The following MPDZ variants were observed in gnomAD, a reference collection of about 807,000 sequenced individuals.
MPDZ encodes multiple PDZ domain protein.
In MPDZ, 234 loss-of-function variants were observed where a neutral mutation model predicts 239.1. The observed-to-expected ratio is 0.98, with a 90% CI of 0.88 to 1.09. The LOEUF is 1.09. Ranked by LOEUF, MPDZ falls within the 50% of genes least tolerant of loss-of-function variation. The probability of loss-of-function intolerance (pLI) is 0.00; values close to 1 mark genes in which losing one functional copy is unlikely to be tolerated. For synonymous variants in MPDZ, 1,048 were observed against 881.3 expected, an observed-to-expected ratio of 1.19 and a Z score of -3.35; for missense variants, 3,175 against 2,510.0, an observed-to-expected ratio of 1.26 and a Z score of -5.66.
At chr9:13,209,580 A>C (rs1350967391) in intron 10 of MPDZ, among the ~76,000 whole-genome samples, 1 of 152,202 alleles carries the variant, frequency 6.6e-6, no homozygotes, top group Non-Finnish European at 1.5e-5. Context: ...TGGAATGTGA[A>C]ATATCACGGT....
In MPDZ at chr9:13,121,940, G is replaced by A. The variant is rs1477536921; in HGVS notation, c.5038-8C>T. 2 of 1,611,774 alleles carry A rather than the reference G, an allele frequency of 1.2e-6. No individual in the cohort carries two copies. The highest frequency in any genetic ancestry group is 2.2e-5 in the South Asian group (2 of 90,820). On this transcript the variant is annotated splice_polypyrimidine_tract_variant and splice_region_variant and intron_variant, in intron 37 of 46. Coordinates refer to ENST00000319217, the MANE Select transcript of MPDZ (RefSeq NM_001378778.1). ...CAAGTCAATTCCATTCACCTGTACA[G>A]AAATGGGACACTGACTGTAAGGAAC...
In MPDZ at chr9:13,250,265, T is replaced by G. The variant is rs749413132; in HGVS notation, c.16+35A>C. 2.3e-5 allele frequency: 37 copies of G among 1,581,816 alleles called. No individual in the cohort carries two copies. In the South Asian group the frequency reaches 4.2e-4, roughly 18 times the overall value. Reference sequence around the variant, plus strand: ...AAATCCCAATGGGAGGAGTTACAATTCTTATAAAAGTAGGCAGAAAAGAAT... The same window carrying G: ...AAATCCCAATGGGAGGAGTTACAATGCTTATAAAAGTAGGCAGAAAAGAAT... On this transcript the variant is annotated intron_variant, in intron 2 of 46. Transcript: ENST00000319217.
chr9:13,257,307 G>A (rs1419200475), intron 1 of MPDZ, among the ~76,000 whole-genome samples: 7 of 152,044 alleles, frequency 4.6e-5, no homozygotes, highest in East Asian at 3.9e-4. Context: ...ATAGCCTCCC[G>A]TGCCTGACAC....
chr9:13,266,963 A>C (rs1588216650), intron 1 of MPDZ, among the ~76,000 whole-genome samples: 1 of 152,350 alleles, frequency 6.6e-6, no homozygotes, highest in South Asian at 2.1e-4. Context: ...TGATGTAAAA[A>C]GGCAACTTTA....
Position 13,258,363 on chromosome 9 carries a change from G to C in MPDZ, c.-57-7991C>G, listed in dbSNP as rs1375315421. On this transcript the variant is annotated intron_variant, in intron 1 of 46. Transcript: ENST00000319217. ...TTTTCTACTTATCTTAAACAATTCT[G>C]ACTGAAAAAGGAATACGACATTAAA... Among the ~76,000 whole-genome samples the C allele has an allele frequency of 2.6e-5, 4 of 152,152 alleles. No homozygotes were observed. In the East Asian group the frequency reaches 7.7e-4, roughly 29 times the overall value.
intron 12 of MPDZ, among the ~76,000 whole-genome samples, chr9:13,198,735 C>CTGTG (rs1243812686): frequency 0.02 from 334 of 17,066 alleles, 2 homozygotes; most frequent in Middle Eastern, 0.062. Context: ...TAATCTCTCT[C>CTGTG]TCTGTGTGTG....
chr9:13,219,043 T>C (rs1331118894), intron 8 of MPDZ, among the ~76,000 whole-genome samples: 3 of 151,968 alleles, frequency 2.0e-5, no homozygotes, highest in Non-Finnish European at 4.4e-5. Context: ...CTGATAACAG[T>C]TCTAAGACAT....
chr9:13,151,575 G>T (rs960639791), intron 24 of MPDZ, among the ~76,000 whole-genome samples: 9 of 152,040 alleles, frequency 5.9e-5, no homozygotes, highest in African/African-American at 1.7e-4. Context: ...CTCATATAAA[G>T]TACCTAGAGG....
chr9:13,121,071 T>C (rs905082650), intron 38 of MPDZ, among the ~76,000 whole-genome samples: 2 of 152,238 alleles, frequency 1.3e-5, no homozygotes, highest in Admixed American at 1.3e-4. Flanking sequence ...GTAAATACTT[T>C]TAAAATGTAC....
rs568580337 is a variant in MPDZ at position 13,142,375 on chromosome 9, G to A, written c.3840+1091C>T. Among the ~76,000 whole-genome samples the A allele has an allele frequency of 7.2e-5, 11 of 152,188 alleles. No homozygotes were observed. The East Asian group carries it at 2.1e-3, about 29-fold the overall frequency. On this transcript the variant is annotated intron_variant, in intron 27 of 46. Coordinates refer to ENST00000319217, the MANE Select transcript of MPDZ (RefSeq NM_001378778.1). ...ATATAAGCCTCTATTTACTTGAGGG[G>A]CAATCAGGTGTTATGTTTTCATATC...
chr9:13,147,674 T>C lies in MPDZ; in HGVS notation c.3631-16A>G, dbSNP rs568769544. 1.3e-6 allele frequency: 2 copies of C among 1,581,194 alleles called. No homozygotes were observed. Among genetic ancestry groups the C allele is most frequent in the Admixed American group, 1.7e-5 (1 of 59,466 alleles). ...TTCCATCCACCTGCAATGGAAGGCC[T>C]CAGCTTAACATTTCAAGAATCTATA... On this transcript the variant is annotated splice_polypyrimidine_tract_variant and intron_variant, in intron 25 of 46. Coordinates refer to ENST00000319217, the MANE Select transcript of MPDZ (RefSeq NM_001378778.1).
chr9:13,136,232 AT>A, intron 30 of MPDZ, 50 bp from the exon 31 acceptor site: 2 of 1,272,748 alleles, frequency 1.6e-6, no homozygotes, highest in Non-Finnish European at 2.2e-6. Context: ...TATTATTTTC[AT>A]TCTCTTACTT....
rs78979328 is a variant in MPDZ at position 13,220,949 on chromosome 9, T to C, written c.876+423A>G. Among the ~76,000 whole-genome samples the C allele has an allele frequency of 6.9e-3, 1,056 of 152,124 alleles. 18 individuals carry two copies. Among genetic ancestry groups the C allele is most frequent in the African/African-American group, 0.014 (593 of 41,544 alleles). On this transcript the variant is annotated intron_variant, in intron 7 of 46. Coordinates refer to ENST00000319217, the MANE Select transcript of MPDZ (RefSeq NM_001378778.1). ...GTTTCATACACAAAGATGATACCAA[T>C]GACCCATCACTAAAGGAACAAGGTG...
At chr9:13,130,708 G>T (rs1031211790) in intron 32 of MPDZ, among the ~76,000 whole-genome samples, 14 of 152,342 alleles carry the variant, frequency 9.2e-5, no homozygotes, top group African/African-American at 3.1e-4. Flanking sequence ...GATCTTTAGT[G>T]TATGTAGGAT....
chr9:13,244,169 G>A (rs973769585), intron 3 of MPDZ, among the ~76,000 whole-genome samples: 11 of 152,156 alleles, frequency 7.2e-5, no homozygotes, highest in African/African-American at 9.7e-5. Context: ...TTAAGGCAAC[G>A]CAATTAATTA....
At chr9:13,110,102 T>A (rs1230949898) in intron 44 of MPDZ, 38 bp from the exon 45 acceptor site, 7 of 1,472,890 alleles carry the variant, frequency 4.8e-6, no homozygotes, top group Non-Finnish European at 6.5e-6. Context: ...AAAACACATG[T>A]TCCTGTGGCT....
intron 5 of MPDZ, among the ~76,000 whole-genome samples, chr9:13,223,293 CA>C (rs140557400): frequency 0.035 from 5,332 of 151,922 alleles, 141 homozygotes; most frequent in South Asian, 0.076. Flanking sequence ...AAAATCTAAT[CA>C]AAAAGAGCCC....
chr9:13,265,041 C>T (rs1381652097), intron 1 of MPDZ, among the ~76,000 whole-genome samples: 1 of 152,200 alleles, frequency 6.6e-6, no homozygotes, highest in Non-Finnish European at 1.5e-5. Flanking sequence ...CAGGTGAACA[C>T]AACAATGTGT....
intron 25 of MPDZ, among the ~76,000 whole-genome samples, chr9:13,149,776 C>T (rs150404262): frequency 6.6e-6 from 1 of 152,020 alleles, no homozygotes; most frequent in Non-Finnish European, 1.5e-5. Context: ...AGAGATTACA[C>T]ACAACTTGAC....
Sources: allele counts gnomAD v4.1 joint callset (sites outside exome capture counted in the v4.1 genomes callset), GRCh38; gene constraint gnomAD v4.1.1; transcripts MANE v1.5; gene names NCBI Gene and HGNC (gene_info 2026-07-23, HGNC 2026-07-21).